Variants in UGT8 observed in about 807,000 individuals in gnomAD.
The protein encoded by UGT8 is UDP glycosyltransferase 8.
UGT8 carries 12 observed loss-of-function variants against 40.5 expected under a neutral mutation model. The ratio of observed to expected loss-of-function variants is 0.30; its 90% CI spans 0.19 to 0.48. The LOEUF (loss-of-function observed/expected upper bound fraction) is 0.48, where lower values mean the gene tolerates loss of function less well. Ranked by LOEUF, UGT8 falls within the 20% of genes least tolerant of loss-of-function variation. The pLI is 0.99. For missense variants in UGT8, 513 were observed against 648.7 expected (o/e 0.79, Z 2.27); for synonymous variants, 224 against 240.4 (o/e 0.93, Z 0.63).
chr4:114,602,609 C>T (rs1730505241), intron 1 of UGT8, among the ~76,000 whole-genome samples: 1 of 152,178 alleles, frequency 6.6e-6, no homozygotes, highest in Non-Finnish European at 1.5e-5. Context: ...ACAATTAAGG[C>T]CCTGGGAGGG....
chr4:114,654,007 G>T (rs1054759558), intron 2 of UGT8, among the ~76,000 whole-genome samples: 3 of 152,042 alleles, frequency 2.0e-5, no homozygotes, highest in African/African-American at 7.2e-5. Context: ...TCTGCACTGC[G>T]CTCTGTCTTT....
At chr4:114,654,699 A>G (rs1315582141) in intron 2 of UGT8, among the ~76,000 whole-genome samples, 1 of 152,060 alleles carries the variant, frequency 6.6e-6, no homozygotes, top group African/African-American at 2.4e-5. Flanking sequence ...AGAAGGGTGC[A>G]TTTTGCAAGA....
chr4:114,621,954 CT>C (rs201835954), intron 1 of UGT8, among the ~76,000 whole-genome samples: 7,720 of 151,168 alleles, frequency 0.051, 412 homozygotes, highest in African/African-American at 0.13. Context: ...AGAATGCATT[CT>C]TTTTTTTTAT....
chr4:114,603,294 A>T (rs897805985), intron 1 of UGT8, among the ~76,000 whole-genome samples: 1 of 152,220 alleles, frequency 6.6e-6, no homozygotes, highest in Non-Finnish European at 1.5e-5. Context: ...CTGAGCACAG[A>T]GGTCCTGGGC....
intron 1 of UGT8, among the ~76,000 whole-genome samples, chr4:114,606,503 G>T (rs937583463): frequency 3.9e-5 from 6 of 152,120 alleles, no homozygotes; most frequent in Non-Finnish European, 8.8e-5. Flanking sequence ...GCCAATCTGG[G>T]GAGTAGCTCT....
chr4:114,654,762 C>T (rs1734074724), intron 2 of UGT8, among the ~76,000 whole-genome samples: 1 of 152,088 alleles, frequency 6.6e-6, no homozygotes, highest in African/African-American at 2.4e-5. Context: ...TTAGAACTCA[C>T]ATAGGATTAC....
chr4:114,639,149 A>T (rs184491840), intron 2 of UGT8, among the ~76,000 whole-genome samples: 2 of 152,196 alleles, frequency 1.3e-5, no homozygotes, highest in Non-Finnish European at 2.9e-5. Context: ...TGTGATTCCA[A>T]TGTCCTTTCC....
chr4:114,668,284 G>A lies in UGT8; in HGVS notation c.1242G>A (p.Val414=), dbSNP rs145525328. 47 of 1,613,638 alleles carry A rather than the reference G, an allele frequency of 2.9e-5. No individual in the cohort carries two copies. The African/African-American group carries it at 4.7e-4, about 16-fold the overall frequency. Residue 414 remains valine (V), a synonymous_variant, in exon 5 of 6, where the codon GTG becomes GTA. Coordinates refer to ENST00000310836, the MANE Select transcript of UGT8 (RefSeq NM_001128174.3). ...AAAAAGAGCTCTATGAAGCACTAGT[G>A]AAGGTTATCAATAATCCCAGGTAAG... ...VTEKELYEAL[V]KVINNPSYRQ... is the part of the protein sequence containing the mutation.
intron 1 of UGT8, among the ~76,000 whole-genome samples, chr4:114,617,806 T>G (rs562890682): frequency 6.6e-6 from 1 of 152,268 alleles, no homozygotes; most frequent in Admixed American, 6.5e-5. Context: ...GGGGAGTAAG[T>G]GGAGACCAGC....
chr4:114,621,032 C>CT (rs1334020349), intron 1 of UGT8, among the ~76,000 whole-genome samples: 1 of 152,050 alleles, frequency 6.6e-6, no homozygotes, highest in Non-Finnish European at 1.5e-5. Context: ...AATTTAGAGT[C>CT]TAAGAATTCA....
chr4:114,647,792 A>T (rs1449548426), intron 2 of UGT8, among the ~76,000 whole-genome samples: 3 of 152,224 alleles, frequency 2.0e-5, no homozygotes, highest in African/African-American at 7.2e-5. Flanking sequence ...TTACACAGCC[A>T]GTGAGGGGCA....
intron 5 of UGT8, among the ~76,000 whole-genome samples, chr4:114,673,648 G>A (rs1735441460): frequency 1.3e-5 from 2 of 152,162 alleles, no homozygotes; most frequent in Admixed American, 6.5e-5. Flanking sequence ...TATACACAGT[G>A]ACATTAAGGT....
intron 2 of UGT8, among the ~76,000 whole-genome samples, chr4:114,661,215 T>G (rs983774821): frequency 6.6e-6 from 1 of 152,184 alleles, no homozygotes; most frequent in African/African-American, 2.4e-5. Context: ...CAGAAGATAT[T>G]TGACCAGGAG....
intron 2 of UGT8, among the ~76,000 whole-genome samples, chr4:114,647,758 C>G (rs550708417): frequency 3.3e-5 from 5 of 152,210 alleles, no homozygotes; most frequent in East Asian, 3.9e-4. Context: ...CTAAGTGACT[C>G]TAGGGTACTG....
At chr4:114,617,024 A>G (rs147987394) in intron 1 of UGT8, among the ~76,000 whole-genome samples, 1,941 of 152,224 alleles carry the variant, frequency 0.013, 31 homozygotes, top group African/African-American at 0.036. Flanking sequence ...AGGCTGAGGC[A>G]GGCAGATCAC....
rs562858439 is a variant in UGT8 at position 114,627,244 on chromosome 4, T to C, written c.822+3542T>C. The stretch of plus-strand genomic sequence containing the variant: ...AGGAGGTCTGTAGACAGGTCCCTAT[T>C]TGAATAGATTCTTTTTTTTTTTTTT... On this transcript the variant is annotated intron_variant, in intron 2 of 5. Transcript: ENST00000310836. 3.2e-3 allele frequency among the ~76,000 whole-genome samples: 483 copies of C among 151,646 alleles called. 2 individuals are homozygous for C. The highest frequency in any genetic ancestry group is 2.8e-3 in the Non-Finnish European group (193 of 67,970).
intron 2 of UGT8, among the ~76,000 whole-genome samples, chr4:114,652,115 C>T (rs1050852617): frequency 1.3e-5 from 2 of 152,040 alleles, no homozygotes; most frequent in Non-Finnish European, 2.9e-5. Flanking sequence ...CATAATTAGA[C>T]ATGAATTGAT....
intron 4 of UGT8, among the ~76,000 whole-genome samples, chr4:114,666,878 T>G (rs1316639711): frequency 6.6e-6 from 1 of 152,096 alleles, no homozygotes; most frequent in Non-Finnish European, 1.5e-5. Context: ...GCACTATCCT[T>G]GTGAGTCCTC....
intron 1 of UGT8, among the ~76,000 whole-genome samples, chr4:114,614,616 C>T (rs1731286651): frequency 6.6e-6 from 1 of 152,118 alleles, no homozygotes; most frequent in African/African-American, 2.4e-5. Flanking sequence ...GAACCAAATT[C>T]CTTCTTCCTT....
Sources: allele counts gnomAD v4.1 joint callset (sites outside exome capture counted in the v4.1 genomes callset), GRCh38; gene constraint gnomAD v4.1.1; transcripts MANE v1.5; gene names NCBI Gene and HGNC (gene_info 2026-07-23, HGNC 2026-07-21).